The following ATP2C2 variants were observed in gnomAD, a reference collection of about 807,000 sequenced individuals.
ATP2C2 encodes the protein calcium-transporting ATPase type 2C member 2.
ATP2C2 carries 171 observed loss-of-function variants against 110.8 expected under a neutral mutation model. The observed-to-expected ratio is 1.54, with a 90% CI of 1.36 to 1.75. ATP2C2 has a LOEUF of 1.75. ATP2C2 is among the 40% of genes most tolerant of loss of function. ATP2C2 has a pLI of 0.00. For missense variants in ATP2C2, 1,963 were observed against 1,235.0 expected (o/e 1.59, Z -8.84); for synonymous variants, 804 against 508.4 (o/e 1.58, Z -7.82).
intron 3 of ATP2C2, among the ~76,000 whole-genome samples, chr16:84,406,431 A>G (rs1446435207): frequency 6.6e-6 from 1 of 151,976 alleles, no homozygotes; most frequent in Non-Finnish European, 1.5e-5. Flanking sequence ...CCCCTTCTTC[A>G]TTCTCTGGCC....
chr16:84,423,148 A>G, intron 9 of ATP2C2, 40 bp from the exon 10 acceptor site: 1 of 1,560,294 alleles, frequency 6.4e-7, no homozygotes, highest in Non-Finnish European at 8.8e-7. Flanking sequence ...GGCAGAAGCT[A>G]GGATCTTGTC....
chr16:84,398,452 A>T (rs375905704), intron 1 of ATP2C2, 47 bp from the exon 2 acceptor site: 6 of 1,108,696 alleles, frequency 5.4e-6, no homozygotes, highest in African/African-American at 1.7e-5. Flanking sequence ...AAAATTAATC[A>T]GTACAAAAGT....
intron 1 of ATP2C2, among the ~76,000 whole-genome samples, chr16:84,386,169 G>A (rs371268854): frequency 2.0e-4 from 30 of 152,176 alleles, no homozygotes; most frequent in East Asian, 7.7e-4. Flanking sequence ...TGTTTTTACC[G>A]GAAGAATTAT....
chr16:84,399,319 A>G (rs1905180946), intron 2 of ATP2C2, among the ~76,000 whole-genome samples: 1 of 152,198 alleles, frequency 6.6e-6, no homozygotes, highest in African/African-American at 2.4e-5. Context: ...TAGTATTTGG[A>G]GAGGGGGAGG....
intron 18 of ATP2C2, among the ~76,000 whole-genome samples, chr16:84,452,839 G>A (rs1208331473): frequency 6.6e-6 from 1 of 152,098 alleles, no homozygotes; most frequent in Non-Finnish European, 1.5e-5. Context: ...GCCTGGTGCT[G>A]GGAAAAGGTT....
chr16:84,410,012 T>A (rs1256968293), intron 4 of ATP2C2, among the ~76,000 whole-genome samples: 1 of 151,942 alleles, frequency 6.6e-6, no homozygotes, highest in Non-Finnish European at 1.5e-5. Flanking sequence ...ATCGAGACCA[T>A]CCTGGCCCAC....
At chr16:84,380,683 C>G (rs1910526580) in intron 1 of ATP2C2, among the ~76,000 whole-genome samples, 1 of 152,150 alleles carries the variant, frequency 6.6e-6, no homozygotes, top group Non-Finnish European at 1.5e-5. Flanking sequence ...AGTTCTGCCA[C>G]TCGCCAGCTG....
intron 11 of ATP2C2, among the ~76,000 whole-genome samples, chr16:84,427,945 A>G (rs891266): frequency 0.3 from 45,061 of 152,136 alleles, 7,065 homozygotes; most frequent in Non-Finnish European, 0.35. Flanking sequence ...ATTATATACA[A>G]ATTATATATC....
intron 1 of ATP2C2, among the ~76,000 whole-genome samples, chr16:84,370,207 C>A (rs569448605): frequency 1.3e-5 from 2 of 152,276 alleles, no homozygotes; most frequent in African/African-American, 4.8e-5. Flanking sequence ...GTGGACTCGT[C>A]CCTCCAAAGC....
At chr16:84,413,456 C>T (rs183170539) in intron 6 of ATP2C2, among the ~76,000 whole-genome samples, 2 of 152,246 alleles carry the variant, frequency 1.3e-5, no homozygotes, top group East Asian at 3.9e-4. Context: ...TGTAGAAGGG[C>T]CGCGGGAGCA....
intron 3 of ATP2C2, chr16:84,407,240 C>G (rs554542739): frequency 3.3e-5 from 5 of 152,294 alleles, no homozygotes; most frequent in East Asian, 3.9e-4. Context: ...TCTCAGGAGT[C>G]TCACCATTAG....
At chr16:84,443,517 C>T (rs77630181) in intron 15 of ATP2C2, among the ~76,000 whole-genome samples, 1,562 of 152,294 alleles carry the variant, frequency 0.01, 27 homozygotes, top group African/African-American at 0.036. Context: ...CCGAGCCTGG[C>T]CCCTGCACTC....
chr16:84,442,330 A>C (rs1191037306), intron 14 of ATP2C2, among the ~76,000 whole-genome samples, 180 bp from the exon 15 acceptor site: 3 of 152,200 alleles, frequency 2.0e-5, no homozygotes, highest in Non-Finnish European at 2.9e-5. Context: ...ATGGGAACCA[A>C]CATTCAGCAC....
At chr16:84,403,772 C>T (rs754717662) in intron 2 of ATP2C2, among the ~76,000 whole-genome samples, 3 of 152,074 alleles carry the variant, frequency 2.0e-5, no homozygotes, top group Admixed American at 1.3e-4. Context: ...CTCACTGCAA[C>T]CTCCGCCTCC....
At position 84,446,437 on chromosome 16, in the gene ATP2C2, C is replaced by A. The variant is rs760802220; in HGVS notation, c.1503+7C>A. 10 of 1,570,928 alleles carry A rather than the reference C, an allele frequency of 6.4e-6. No individual in the cohort carries two copies. Among genetic ancestry groups the A allele is most frequent in the Admixed American group, 1.9e-5 (1 of 53,072 alleles). On this transcript the variant is annotated splice_region_variant and intron_variant, in intron 16 of 26. Transcript: ENST00000262429. ...ATGCAGTCTGAAGACTGAGGTGAGA[C>A]CTTTCAATCTTCAACCTCTTCTCTC...
At chr16:84,397,426 G>A (rs1905053412) in intron 1 of ATP2C2, among the ~76,000 whole-genome samples, 1 of 151,574 alleles carries the variant, frequency 6.6e-6, no homozygotes, top group Non-Finnish European at 1.5e-5. Flanking sequence ...TATGTATATT[G>A]TTGCCCTACT....
chr16:84,461,398 T>G (rs953618937), intron 24 of ATP2C2: 3 of 484,790 alleles, frequency 6.2e-6, no homozygotes, highest in African/African-American at 1.9e-5. Context: ...TTGTAGGAAA[T>G]GACCTTCACT....
intron 24 of ATP2C2, 46 bp from the exon 25 acceptor site, chr16:84,461,668 G>A (rs1303736234): frequency 3.2e-6 from 5 of 1,559,932 alleles, no homozygotes; most frequent in Non-Finnish European, 4.4e-6. Context: ...CAGGATGGAG[G>A]TTGTCTCTTC....
In ATP2C2 at chr16:84,451,905, C is replaced by T. The variant is rs1347730140; in HGVS notation, c.1661-16C>T. On this transcript the variant is annotated splice_polypyrimidine_tract_variant and intron_variant, in intron 17 of 26. Transcript: ENST00000262429. ...AAGCCCCCGGTGACCCCTCCTTACTCCCCCTCTCTCCTCAGTGCTGGCCCT... is the reference window on the plus strand; with the variant it reads ...AAGCCCCCGGTGACCCCTCCTTACTTCCCCTCTCTCCTCAGTGCTGGCCCT... 1.9e-6 allele frequency: 3 copies of T among 1,606,168 alleles called. No homozygotes were observed. Among genetic ancestry groups the T allele is most frequent in the Middle Eastern group, 3.4e-4 (2 of 5,942 alleles).
Sources: allele counts gnomAD v4.1 joint callset (sites outside exome capture counted in the v4.1 genomes callset), GRCh38; gene constraint gnomAD v4.1.1; transcripts MANE v1.5; gene names NCBI Gene and HGNC (gene_info 2026-07-23, HGNC 2026-07-21).